The following MYRIP variants were observed in gnomAD, a reference collection of about 807,000 sequenced individuals.
The protein encoded by MYRIP is rab effector MyRIP.
MYRIP carries 49 observed loss-of-function variants against 98.0 expected under a neutral mutation model. That is an observed-to-expected ratio of 0.50 (90% confidence interval 0.40 to 0.63). The LOEUF (loss-of-function observed/expected upper bound fraction) is 0.63. MYRIP is among the 30% of genes least tolerant of loss of function. The pLI is 0.00. For synonymous variants in MYRIP, 404 were observed against 409.5 expected (o/e 0.99, Z 0.16); for missense variants, 1,004 against 1,058.2 (o/e 0.95, Z 0.71).
chr3:40,035,347 T>C (rs906052412), intron 2 of MYRIP, among the ~76,000 whole-genome samples: 1 of 152,074 alleles, frequency 6.6e-6, no homozygotes, highest in Admixed American at 6.6e-5. Flanking sequence ...TTCCCCAAGA[T>C]GAGAAACAGA....
At chr3:39,933,757 C>T (rs1352615513) in intron 2 of MYRIP, among the ~76,000 whole-genome samples, 2 of 152,092 alleles carry the variant, frequency 1.3e-5, no homozygotes, top group Non-Finnish European at 2.9e-5. Flanking sequence ...ATTTTGAGAA[C>T]GACTGTGTAC....
intron 2 of MYRIP, among the ~76,000 whole-genome samples, chr3:39,945,925 T>C (rs984447744): frequency 6.6e-6 from 1 of 152,090 alleles, no homozygotes; most frequent in Non-Finnish European, 1.5e-5. Flanking sequence ...GAAAATTCTG[T>C]AGGCATATCT....
At chr3:39,895,902 G>A (rs970146542) in intron 1 of MYRIP, among the ~76,000 whole-genome samples, 19 of 121,010 alleles carry the variant, frequency 1.6e-4, no homozygotes, top group African/African-American at 5.8e-4. Context: ...AGAAAAACTC[G>A]TGTGTGTGTG....
chr3:40,007,723 G>A (rs1946665708), intron 2 of MYRIP, among the ~76,000 whole-genome samples: 1 of 152,220 alleles, frequency 6.6e-6, no homozygotes, highest in Non-Finnish European at 1.5e-5. Flanking sequence ...AGATGATTAT[G>A]AAAACTGGCA....
intron 2 of MYRIP, among the ~76,000 whole-genome samples, chr3:39,986,939 A>G (rs1946045483): frequency 6.6e-6 from 1 of 151,932 alleles, no homozygotes; most frequent in Non-Finnish European, 1.5e-5. Flanking sequence ...CCTTCTTTTG[A>G]GGCTACTCTT....
chr3:39,836,328 T>C (rs1941624887), intron 1 of MYRIP, among the ~76,000 whole-genome samples: 1 of 152,222 alleles, frequency 6.6e-6, no homozygotes, highest in African/African-American at 2.4e-5. Flanking sequence ...TTTATTTGCA[T>C]TTCTCTAATG....
chr3:40,000,125 A>G (rs1218117648), intron 2 of MYRIP, among the ~76,000 whole-genome samples: 2 of 152,102 alleles, frequency 1.3e-5, no homozygotes, highest in African/African-American at 4.8e-5. Context: ...ATGTATACCT[A>G]TGTAACAAAC....
chr3:40,123,944 G>A (rs1260948629), intron 3 of MYRIP, among the ~76,000 whole-genome samples: 7 of 152,176 alleles, frequency 4.6e-5, no homozygotes, highest in African/African-American at 1.7e-4. Flanking sequence ...GAAAGGGGGA[G>A]AACTGGGTTG....
intron 16 of MYRIP, among the ~76,000 whole-genome samples, chr3:40,254,296 G>A (rs1296928320): frequency 1.3e-5 from 2 of 152,192 alleles, no homozygotes; most frequent in South Asian, 2.1e-4. Context: ...CAATTTTCAT[G>A]TAAGAGGAGG....
chr3:39,894,184 G>T (rs113937532), intron 1 of MYRIP, among the ~76,000 whole-genome samples: 9 of 152,270 alleles, frequency 5.9e-5, no homozygotes, highest in African/African-American at 2.2e-4. Flanking sequence ...TGACATGCAT[G>T]TAAATGCATA....
chr3:39,951,036 T>G lies in MYRIP; in HGVS notation c.110+50110T>G, dbSNP rs148829991. The stretch of plus-strand genomic sequence containing the variant: ...CTCAGTTAATATATTTTGGAAACTC[T>G]GACTGAGAAACAGTGGCCATATGGG... On this transcript the variant is annotated intron_variant, in intron 2 of 16. Coordinates refer to ENST00000302541, the MANE Select transcript of MYRIP (RefSeq NM_015460.4). 7.0e-3 allele frequency among the ~76,000 whole-genome samples: 1,062 copies of G among 152,308 alleles called. 8 individuals carry two copies. The highest frequency in any genetic ancestry group is 0.011 in the Non-Finnish European group (722 of 68,016).
At chr3:40,116,477 A>G (rs966293881) in intron 3 of MYRIP, among the ~76,000 whole-genome samples, 6 of 151,820 alleles carry the variant, frequency 4.0e-5, no homozygotes, top group Non-Finnish European at 8.8e-5. Flanking sequence ...TCTCTCTTTC[A>G]TTTTCCCTTG....
chr3:40,095,016 C>T (rs1266144314), intron 3 of MYRIP, among the ~76,000 whole-genome samples: 1 of 152,146 alleles, frequency 6.6e-6, no homozygotes, highest in East Asian at 1.9e-4. Context: ...CTTGTCTCCT[C>T]CTCACCTAAT....
intron 4 of MYRIP, among the ~76,000 whole-genome samples, chr3:40,151,698 C>T (rs1394917575): frequency 6.6e-6 from 1 of 152,188 alleles, no homozygotes; most frequent in Non-Finnish European, 1.5e-5. Flanking sequence ...TGTTTTTATA[C>T]AGTTAAGATA....
rs116692375 is a variant in MYRIP at position 40,021,051 on chromosome 3, T to C, written c.111-22999T>C. On this transcript the variant is annotated intron_variant, in intron 2 of 16. Coordinates refer to ENST00000302541, the MANE Select transcript of MYRIP (RefSeq NM_015460.4). ...ATTCTGCCAAATGCCTCACACATGC[T>C]AGCATTCCATAAAGATAATTCCCAT... Among the ~76,000 whole-genome samples the C allele has an allele frequency of 9.5e-3, 1,451 of 152,290 alleles. 26 individuals carry two copies. The highest frequency in any genetic ancestry group is 0.032 in the African/African-American group (1,337 of 41,564).
chr3:40,237,499 A>G (rs898963938), intron 12 of MYRIP, among the ~76,000 whole-genome samples: 1 of 152,186 alleles, frequency 6.6e-6, no homozygotes. Flanking sequence ...CAGACTGGGA[A>G]TGAGATATAT....
At chr3:39,827,512 C>T (rs1008882845) in intron 1 of MYRIP, among the ~76,000 whole-genome samples, 1 of 152,152 alleles carries the variant, frequency 6.6e-6, no homozygotes, top group Non-Finnish European at 1.5e-5. Context: ...AGAACTTACT[C>T]CTGTCAGTGT....
chr3:39,861,102 C>T (rs576152704), intron 1 of MYRIP, among the ~76,000 whole-genome samples: 179 of 152,340 alleles, frequency 1.2e-3, no homozygotes, highest in Admixed American at 2.4e-3. Context: ...GGTGTTGTGA[C>T]CAGTGGTCCA....
chr3:39,975,831 A>G (rs1330980954), intron 2 of MYRIP, among the ~76,000 whole-genome samples: 4 of 152,204 alleles, frequency 2.6e-5, no homozygotes, highest in Non-Finnish European at 5.9e-5. Flanking sequence ...GGTGCTGGGA[A>G]AACTGGCTAG....
Sources: allele counts gnomAD v4.1 joint callset (sites outside exome capture counted in the v4.1 genomes callset), GRCh38; gene constraint gnomAD v4.1.1; transcripts MANE v1.5; gene names NCBI Gene and HGNC (gene_info 2026-07-23, HGNC 2026-07-21).